MED12L: variants seen among roughly 807,000 people sequenced by gnomAD.
The protein encoded by MED12L is mediator of RNA polymerase II transcription subunit 12-like protein.
MED12L carries 60 observed loss-of-function variants against 281.3 expected under a neutral mutation model. The observed-to-expected ratio is 0.21, with a 90% CI of 0.17 to 0.26. The LOEUF (loss-of-function observed/expected upper bound fraction) is 0.26. Among genes scored for constraint, MED12L ranks in the 10% least tolerant of loss-of-function variants. The pLI is 1.00. For synonymous variants in MED12L, 974 were observed against 987.2 expected (o/e 0.99, Z 0.25); for missense variants, 2,146 against 2,680.9 (o/e 0.80, Z 4.41).
intron 2 of MED12L, among the ~76,000 whole-genome samples, chr3:151,106,319 C>T (rs1303052058): frequency 9.4e-6 from 1 of 106,298 alleles, no homozygotes; most frequent in African/African-American, 4.3e-5. Context: ...CTCCCCTCCC[C>T]TCCCCTCCCC....
intron 43 of MED12L, among the ~76,000 whole-genome samples, chr3:151,420,225 G>A (rs2108417522): frequency 6.6e-6 from 1 of 152,208 alleles, no homozygotes; most frequent in Non-Finnish European, 1.5e-5. Flanking sequence ...TACCTCTATT[G>A]TGGAATAGTA....
At position 151,085,751 on chromosome 3, in the gene MED12L, G is replaced by C. The variant is rs1183932298; in HGVS notation, c.-315G>C. The C allele has an allele frequency of 1.3e-5, 2 of 152,042 alleles. No homozygotes were observed. The highest frequency in any genetic ancestry group is 2.9e-5 in the Non-Finnish European group (2 of 67,980). 9.4% of individuals were successfully genotyped at this position (152,042 alleles called of 1,614,324 possible). On this transcript the variant is annotated 5_prime_UTR_variant, in exon 1 of 45. Transcript: ENST00000687756. ...GGGGCGAGAACGCCGGCGGCGAGCCGGCGTCGCTCGCCGCCCCCAGACAGT... is the reference window on the plus strand; with the variant it reads ...GGGGCGAGAACGCCGGCGGCGAGCCCGCGTCGCTCGCCGCCCCCAGACAGT...
At chr3:151,398,659 T>C (rs1715281908) in intron 39 of MED12L, among the ~76,000 whole-genome samples, 1 of 152,214 alleles carries the variant, frequency 6.6e-6, no homozygotes, top group Admixed American at 6.5e-5. Context: ...TGCAGAAAGA[T>C]GTTTTGGCAA....
At chr3:151,326,771 C>T (rs1322700782) in intron 16 of MED12L, 3 of 152,136 alleles carry the variant, frequency 2.0e-5, no homozygotes, top group African/African-American at 4.8e-5. Context: ...TGTTGGAGCT[C>T]GTGGCACATT....
intron 16 of MED12L, among the ~76,000 whole-genome samples, chr3:151,299,566 T>C (rs889646163): frequency 6.0e-5 from 9 of 151,060 alleles, no homozygotes; most frequent in Non-Finnish European, 1.3e-4. Context: ...GCAACCTCTG[T>C]CTGCTGGGTT....
chr3:151,291,725 A>G (rs573669106), intron 16 of MED12L, among the ~76,000 whole-genome samples: 2 of 152,304 alleles, frequency 1.3e-5, no homozygotes, highest in East Asian at 1.9e-4. Flanking sequence ...AGCATCATGT[A>G]TTATTCCCAT....
At position 151,153,420 on chromosome 3, in the gene MED12L, C is replaced by T. The variant is rs532973913; in HGVS notation, c.557-2741C>T. Among the ~76,000 whole-genome samples, 4 of 152,272 alleles carry T rather than the reference C, an allele frequency of 2.6e-5. No individual in the cohort carries two copies. The South Asian group carries it at 8.3e-4, about 32-fold the overall frequency. Reference sequence around the variant, plus strand: ...TAACATCAACAACTACACATGTATTCATATCATCTGCATTGCCTGAATTTA... The same window carrying T: ...TAACATCAACAACTACACATGTATTTATATCATCTGCATTGCCTGAATTTA... On this transcript the variant is annotated intron_variant, in intron 5 of 44. Coordinates refer to ENST00000687756, the MANE Select transcript of MED12L (RefSeq NM_001393769.1).
chr3:151,359,792 T>C (rs1754382159), intron 20 of MED12L, among the ~76,000 whole-genome samples: 1 of 152,152 alleles, frequency 6.6e-6, no homozygotes, highest in Non-Finnish European at 1.5e-5. Context: ...TGGAATCAGA[T>C]GCACAGATAG....
At chr3:151,383,713 A>G (rs937869264) in intron 33 of MED12L, 66 bp from the exon 34 acceptor site, 3 of 1,005,022 alleles carry the variant, frequency 3.0e-6, no homozygotes, top group East Asian at 4.9e-5. Flanking sequence ...ATTTGATAAC[A>G]TAAAGCAATG....
chr3:151,104,301 A>G (rs750350879), intron 2 of MED12L, among the ~76,000 whole-genome samples: 2 of 152,228 alleles, frequency 1.3e-5, no homozygotes, highest in East Asian at 1.9e-4. Flanking sequence ...TCAGGCCCCT[A>G]CCTCTGGCCC....
rs1720171960 is a variant in MED12L, at chr3:151,436,198, G to A, written c.*3394G>A. 6.5e-6 allele frequency: 1 copy of A among 153,888 alleles called. No individual in the cohort carries two copies. The highest frequency in any genetic ancestry group is 6.4e-5 in the Admixed American group (1 of 15,650). 9.5% of individuals were successfully genotyped at this position (153,888 alleles called of 1,614,324 possible). On this transcript the variant is annotated 3_prime_UTR_variant, in exon 45 of 45. Coordinates refer to ENST00000687756, the MANE Select transcript of MED12L (RefSeq NM_001393769.1). ...ATGGTGAATCATAAGACAGTTCAGT[G>A]CTTATTTTCTGTAGGTTTTAGCAAA...
chr3:151,424,373 C>T (rs1718613919), intron 43 of MED12L, among the ~76,000 whole-genome samples: 1 of 152,180 alleles, frequency 6.6e-6, no homozygotes, highest in African/African-American at 2.4e-5. Context: ...GTAATCCCAG[C>T]ACTTTGGGAG....
chr3:151,202,602 G>A (rs1468415978), intron 16 of MED12L, among the ~76,000 whole-genome samples: 1 of 152,194 alleles, frequency 6.6e-6, no homozygotes, highest in Non-Finnish European at 1.5e-5. Context: ...CCCGGGATGT[G>A]GAGGTTGAAG....
chr3:151,402,977 T>C (rs1715865981), intron 39 of MED12L, among the ~76,000 whole-genome samples: 1 of 152,058 alleles, frequency 6.6e-6, no homozygotes, highest in Non-Finnish European at 1.5e-5. Context: ...GACAACATAA[T>C]GGTAACACCC....
intron 16 of MED12L, among the ~76,000 whole-genome samples, chr3:151,281,670 T>C (rs1237112930): frequency 6.6e-6 from 1 of 152,224 alleles, no homozygotes; most frequent in African/African-American, 2.4e-5. Context: ...GGTGGAATCC[T>C]AAGATTAAAG....
chr3:151,392,775 G>A (rs528656513), intron 38 of MED12L, among the ~76,000 whole-genome samples: 1 of 152,264 alleles, frequency 6.6e-6, no homozygotes, highest in African/African-American at 2.4e-5. Context: ...TTTGGTAGGA[G>A]TAAGTGAGGA....
At chr3:151,270,564 T>A (rs1740757290) in intron 16 of MED12L, among the ~76,000 whole-genome samples, 1 of 152,174 alleles carries the variant, frequency 6.6e-6, no homozygotes, top group Admixed American at 6.5e-5. Context: ...ACACTGTGTC[T>A]CTGCGTGAAT....
chr3:151,247,439 A>G (rs1735810997), intron 16 of MED12L, among the ~76,000 whole-genome samples: 1 of 152,170 alleles, frequency 6.6e-6, no homozygotes, highest in South Asian at 2.1e-4. Context: ...AGCCATAAAA[A>G]TGATGAGTTC....
intron 40 of MED12L, 79 bp from the exon 41 acceptor site, chr3:151,411,199 T>A: frequency 7.8e-7 from 1 of 1,273,908 alleles, no homozygotes; most frequent in Non-Finnish European, 1.1e-6. Context: ...TGGGTTTGTT[T>A]TTGCCCCATA....
Sources: allele counts gnomAD v4.1 joint callset (sites outside exome capture counted in the v4.1 genomes callset), GRCh38; gene constraint gnomAD v4.1.1; transcripts MANE v1.5; gene names NCBI Gene and HGNC (gene_info 2026-07-23, HGNC 2026-07-21).